Variants in GLO1 observed in about 807,000 individuals in gnomAD.
GLO1 encodes glyoxalase I.
Under a neutral mutation model 26.0 loss-of-function variants are expected in GLO1, and 28 were observed. The ratio of observed to expected loss-of-function variants is 1.08; its 90% CI spans 0.80 to 1.48. The LOEUF (loss-of-function observed/expected upper bound fraction) is 1.48. GLO1 is among the 40% of genes most tolerant of loss of function. GLO1 has a pLI of 0.00. For synonymous variants in GLO1, 78 were observed against 77.6 expected (o/e 1.00, Z -0.03); for missense variants, 225 against 224.8 (o/e 1.00, Z -0.01).
At chr6:38,694,616 T>C (rs1761582170) in intron 1 of GLO1, among the ~76,000 whole-genome samples, 1 of 151,770 alleles carries the variant, frequency 6.6e-6, no homozygotes, top group African/African-American at 2.4e-5. Flanking sequence ...GAAGCAGAGA[T>C]TGTAGTGAGC....
Position 38,677,515 on chromosome 6 carries a change from A to G in GLO1, c.467-132T>C, listed in dbSNP as rs999328516. ...GCATGGGATGATCATGGCCCAAGGCAGGCTTGACCTCCTGAGCTCAGCCTG... is the reference window on the plus strand; with the variant it reads ...GCATGGGATGATCATGGCCCAAGGCGGGCTTGACCTCCTGAGCTCAGCCTG... On this transcript the variant is annotated intron_variant, in intron 5 of 5. Transcript: ENST00000373365. 16 of 608,092 alleles carry G rather than the reference A, an allele frequency of 2.6e-5. 1 individual carries two copies. The South Asian group carries it at 3.0e-4, about 11-fold the overall frequency. The allele number at this position is 608,092 out of a possible 1,614,324, so 37.7% of individuals were successfully genotyped here. A position where few individuals can be genotyped will look rare whatever the true frequency, so the allele number is the denominator to read the frequency against.
chr6:38,684,732 C>T (rs913805386), intron 2 of GLO1, among the ~76,000 whole-genome samples: 4 of 152,114 alleles, frequency 2.6e-5, no homozygotes, highest in Non-Finnish European at 4.4e-5. Context: ...TTCTGTAATT[C>T]ATCAATTCTG....
intron 1 of GLO1, among the ~76,000 whole-genome samples, chr6:38,693,262 G>A (rs1204005916): frequency 6.6e-6 from 1 of 152,156 alleles, no homozygotes; most frequent in Non-Finnish European, 1.5e-5. Context: ...AATTCAAGTT[G>A]TCAAATTTAT....
At chr6:38,683,677 G>A (rs1410753737) in intron 3 of GLO1, among the ~76,000 whole-genome samples, 1 of 152,080 alleles carries the variant, frequency 6.6e-6, no homozygotes, top group Non-Finnish European at 1.5e-5. Context: ...CACGAGGTCA[G>A]GAGATCGAGA....
chr6:38,683,936 G>A (rs536931394), intron 3 of GLO1, among the ~76,000 whole-genome samples: 5 of 152,060 alleles, frequency 3.3e-5, no homozygotes, highest in Non-Finnish European at 5.9e-5. Context: ...TGGGCCAGGC[G>A]TGGTGGCTCA....
Position 38,683,779 on chromosome 6 carries a change from TG to T in GLO1, c.308+594del, listed in dbSNP as rs553637213. 8.4e-3 allele frequency among the ~76,000 whole-genome samples: 1,278 copies of T among 151,948 alleles called. 20 individuals carry two copies. The highest frequency in any genetic ancestry group is 0.028 in the African/African-American group (1,145 of 41,452). ...GCGGGCGCCTGTAGTCCCAGCTACT[TG>T]GGAGGCTGAGGCAGGAGAATGGAGT... is the stretch of plus-strand genomic sequence containing the variant. On this transcript the variant is annotated intron_variant, in intron 3 of 5. Coordinates refer to ENST00000373365, the MANE Select transcript of GLO1 (RefSeq NM_006708.3).
chr6:38,696,416 C>T (rs1761611985), intron 1 of GLO1, among the ~76,000 whole-genome samples: 1 of 152,162 alleles, frequency 6.6e-6, no homozygotes, highest in Admixed American at 6.5e-5. Flanking sequence ...AACTGGGTGG[C>T]TTATAAACAA....
intron 1 of GLO1, among the ~76,000 whole-genome samples, chr6:38,693,705 A>ATATATATATTTGT (rs1761565855): frequency 7.4e-6 from 1 of 134,258 alleles, no homozygotes; most frequent in African/African-American, 3.1e-5. Context: ...ATATATATAT[A>ATATATATATTTGT]TTTGTTTTGT....
intron 2 of GLO1, among the ~76,000 whole-genome samples, chr6:38,686,639 G>A (rs904691042): frequency 6.6e-6 from 1 of 152,212 alleles, no homozygotes; most frequent in African/African-American, 2.4e-5. Context: ...GGATTTAGCT[G>A]GGAGCGCTCA....
Position 38,685,669 on chromosome 6 carries a change from A to G in GLO1, c.168-1155T>C, listed in dbSNP as rs115222611. On this transcript the variant is annotated intron_variant, in intron 2 of 5. Transcript: ENST00000373365. ...TTATAATAAAGTATCAAACACCTCAAATACTCCAATCATGAAAAACAATCT... is the reference window on the plus strand; with the variant it reads ...TTATAATAAAGTATCAAACACCTCAGATACTCCAATCATGAAAAACAATCT... Among the ~76,000 whole-genome samples, 734 of 152,330 alleles carry G rather than the reference A, an allele frequency of 4.8e-3. 11 individuals are homozygous for G. The highest frequency in any genetic ancestry group is 0.017 in the African/African-American group (700 of 41,564).
Position 38,686,994 on chromosome 6 carries a change from T to G in GLO1, c.85-20A>C. 6.4e-7 allele frequency: 1 copy of G among 1,552,976 alleles called. No homozygotes were observed. The highest frequency in any genetic ancestry group is 8.8e-7 in the Non-Finnish European group (1 of 1,132,446). On this transcript the variant is annotated intron_variant, in intron 1 of 5. Transcript: ENST00000373365. ...AAAATCCTATGGAAAAATATTTATATTAAACATCTTTCACTTTTACCATTT... is the reference window on the plus strand; with the variant it reads ...AAAATCCTATGGAAAAATATTTATAGTAAACATCTTTCACTTTTACCATTT...
At chr6:38,693,796 C>T (rs368304002) in intron 1 of GLO1, among the ~76,000 whole-genome samples, 1 of 151,736 alleles carries the variant, frequency 6.6e-6, no homozygotes, top group South Asian at 2.1e-4. Flanking sequence ...CTGCAAGCTC[C>T]GCCTCCCGGG....
At chr6:38,682,603 G>A (rs1761398184) in intron 4 of GLO1, among the ~76,000 whole-genome samples, 1 of 151,884 alleles carries the variant, frequency 6.6e-6, no homozygotes, top group South Asian at 2.1e-4. Flanking sequence ...ATGGTGAGAT[G>A]GTAAGTGTAA....
Position 38,678,116 on chromosome 6 carries a change from C to T in GLO1, c.467-733G>A, listed in dbSNP as rs139736267. Among the ~76,000 whole-genome samples, 23 of 152,290 alleles carry T rather than the reference C, an allele frequency of 1.5e-4. No homozygotes were observed. In the East Asian group the frequency reaches 2.1e-3, roughly 14 times the overall value. Reference sequence around the variant, plus strand: ...ACTATCCTAGGCAACCCAAGCTCTGCGAGAGTCTTTCTCCCAGGAATTCAA... The same window carrying T: ...ACTATCCTAGGCAACCCAAGCTCTGTGAGAGTCTTTCTCCCAGGAATTCAA... On this transcript the variant is annotated intron_variant, in intron 5 of 5. Coordinates refer to ENST00000373365, the MANE Select transcript of GLO1 (RefSeq NM_006708.3).
chr6:38,677,605 G>A (rs1364877644), intron 5 of GLO1, among the ~76,000 whole-genome samples: 4 of 151,912 alleles, frequency 2.6e-5, no homozygotes, highest in East Asian at 3.9e-4. Flanking sequence ...TTGTAGAGGC[G>A]GGATCTCAAT....
At chr6:38,683,913 A>C (rs10947754) in intron 3 of GLO1, among the ~76,000 whole-genome samples, 2 of 148,726 alleles carry the variant, frequency 1.3e-5, no homozygotes, top group African/African-American at 5.0e-5. Flanking sequence ...AATAAATAAA[A>C]ATAAAAGACA....
At chr6:38,688,063 A>G (rs1490537086) in intron 1 of GLO1, among the ~76,000 whole-genome samples, 5 of 152,222 alleles carry the variant, frequency 3.3e-5, no homozygotes, top group Non-Finnish European at 7.3e-5. Context: ...CTCTTTTGCT[A>G]AATTTTAAGT....
rs577076975 is a variant in GLO1, at chr6:38,677,172, T to C, written c.*123A>G. On this transcript the variant is annotated 3_prime_UTR_variant, in exon 6 of 6. Coordinates refer to ENST00000373365, the MANE Select transcript of GLO1 (RefSeq NM_006708.3). ...GAACAGCTGAAATAGGAAGGGGAAA[T>C]GGACTGAAGAATAATTTGAATCGGG... 5 of 700,230 alleles carry C rather than the reference T, an allele frequency of 7.1e-6. No individual in the cohort carries two copies. Among genetic ancestry groups the C allele is most frequent in the Non-Finnish European group, 1.3e-5 (5 of 389,186 alleles). The allele number at this position is 700,230 out of a possible 1,614,324, so 43.4% of individuals were successfully genotyped here. A position where few individuals can be genotyped will look rare whatever the true frequency, so the allele number is the denominator to read the frequency against.
intron 1 of GLO1, among the ~76,000 whole-genome samples, chr6:38,691,283 A>G (rs1473869035): frequency 2.0e-5 from 3 of 151,754 alleles, no homozygotes; most frequent in African/African-American, 7.3e-5. Context: ...CATTCTCCAA[A>G]TTTAATTAAG....
Sources: gnomAD v4.1 joint callset for allele counts (sites outside exome capture counted in the v4.1 genomes callset) on GRCh38, gnomAD v4.1.1 for gene constraint, MANE v1.5 for transcripts, NCBI Gene and HGNC (gene_info 2026-07-23, HGNC 2026-07-21) for gene names.